Variants in TCERG1L observed in about 807,000 individuals in gnomAD.
TCERG1L encodes transcription elongation regulator 1 like, also known as transcription elongation regulator 1-like protein.
Under a neutral mutation model 56.3 loss-of-function variants are expected in TCERG1L, and 37 were observed. The observed-to-expected ratio is 0.66, with a 90% CI of 0.51 to 0.87. TCERG1L has a LOEUF of 0.87. Among genes scored for constraint, TCERG1L ranks in the 40% least tolerant of loss-of-function variants. The pLI is 0.00. For missense variants in TCERG1L, 799 were observed against 774.2 expected (o/e 1.03, Z -0.38); for synonymous variants, 324 against 326.3 (o/e 0.99, Z 0.08).
rs1008783142 is a variant in TCERG1L, at chr10:131,163,220, G to T, written c.946-10C>A. ...GCATCGGTGGAGGCTCCTTTCAACAGAAAGAGACAGGGGAGTGGCTTTTAA... is the reference window on the plus strand; with the variant it reads ...GCATCGGTGGAGGCTCCTTTCAACATAAAGAGACAGGGGAGTGGCTTTTAA... On this transcript the variant is annotated splice_polypyrimidine_tract_variant and intron_variant, in intron 5 of 11. Coordinates refer to ENST00000368642, the MANE Select transcript of TCERG1L (RefSeq NM_174937.4). The T allele has an allele frequency of 3.3e-6, 5 of 1,519,244 alleles. No individual in the cohort carries two copies. In the African/African-American group the frequency reaches 7.0e-5, roughly 21 times the overall value. 94.1% of individuals were successfully genotyped at this position (1,519,244 alleles called of 1,614,324 possible).
At chr10:131,116,433 C>G (rs1452312497) in intron 9 of TCERG1L, among the ~76,000 whole-genome samples, 1 of 152,130 alleles carries the variant, frequency 6.6e-6, no homozygotes, top group Non-Finnish European at 1.5e-5. Context: ...CCGGTGGACC[C>G]CACCTGCCGG....
At chr10:131,116,192 C>T (rs117933077) in intron 9 of TCERG1L, among the ~76,000 whole-genome samples, 2,972 of 152,300 alleles carry the variant, frequency 0.02, 58 homozygotes, top group Non-Finnish European at 0.029. Flanking sequence ...CAAAATCCCC[C>T]CGACCCCCAA....
chr10:131,277,929 G>C (rs1055820162), intron 3 of TCERG1L, among the ~76,000 whole-genome samples: 2 of 152,152 alleles, frequency 1.3e-5, no homozygotes, highest in African/African-American at 2.4e-5. Context: ...ACCAGAGCAG[G>C]GGGCTCAGGG....
intron 10 of TCERG1L, among the ~76,000 whole-genome samples, chr10:131,099,072 T>C (rs532468288): frequency 6.6e-6 from 1 of 152,298 alleles, no homozygotes; most frequent in East Asian, 1.9e-4. Flanking sequence ...GGGTCATCAG[T>C]GTGGAAACAA....
intron 6 of TCERG1L, 75 bp from the exon 7 acceptor site, chr10:131,146,735 C>CGG: frequency 7.6e-6 from 11 of 1,445,624 alleles, no homozygotes; most frequent in South Asian, 3.2e-5. Context: ...TGAACTCTCA[C>CGG]TGAAAAAGCC....
At chr10:131,166,619 T>C (rs964087605) in intron 5 of TCERG1L, among the ~76,000 whole-genome samples, 178 bp downstream of exon 5, 2 of 152,370 alleles carry the variant, frequency 1.3e-5, no homozygotes, top group African/African-American at 4.8e-5. Flanking sequence ...GCAAGGGCTG[T>C]GTCCCTGCTC....
intron 4 of TCERG1L, among the ~76,000 whole-genome samples, chr10:131,203,491 C>T (rs1206807034): frequency 6.6e-6 from 1 of 152,194 alleles, no homozygotes; most frequent in Non-Finnish European, 1.5e-5. Context: ...GTGCTCACGT[C>T]TCTATTTTAA....
intron 3 of TCERG1L, among the ~76,000 whole-genome samples, chr10:131,291,302 A>ATATAT (rs938267595): frequency 2.0e-5 from 3 of 150,316 alleles, no homozygotes; most frequent in African/African-American, 7.4e-5. Flanking sequence ...TTTTAATCCC[A>ATATAT]TATATTTCAT....
chr10:131,263,599 AT>A (rs1846254166), intron 3 of TCERG1L, among the ~76,000 whole-genome samples: 1 of 152,136 alleles, frequency 6.6e-6, no homozygotes, highest in African/African-American at 2.4e-5. Flanking sequence ...CATTTGCCAT[AT>A]TTTTACCCAC....
intron 4 of TCERG1L, among the ~76,000 whole-genome samples, chr10:131,226,323 C>T (rs990357136): frequency 6.6e-6 from 1 of 152,086 alleles, no homozygotes. Flanking sequence ...GTAATCTGCC[C>T]GCCTCCGCCT....
intron 4 of TCERG1L, among the ~76,000 whole-genome samples, chr10:131,175,769 C>G (rs1846141431): frequency 1.3e-5 from 2 of 152,108 alleles, no homozygotes; most frequent in African/African-American, 4.8e-5. Context: ...GGACTTTACC[C>G]CAACCTTGGA....
intron 5 of TCERG1L, among the ~76,000 whole-genome samples, chr10:131,164,674 C>A (rs1846013004): frequency 6.6e-6 from 1 of 152,134 alleles, no homozygotes; most frequent in Admixed American, 6.5e-5. Context: ...AAGCAACAAT[C>A]TGGTTCTGAG....
intron 4 of TCERG1L, among the ~76,000 whole-genome samples, chr10:131,215,594 G>A (rs545783830): frequency 1.3e-5 from 2 of 152,278 alleles, no homozygotes; most frequent in Admixed American, 6.5e-5. Context: ...CGGGACAAAG[G>A]GATTTCGGGA....
chr10:131,282,184 C>T (rs1846466328), intron 3 of TCERG1L, among the ~76,000 whole-genome samples: 1 of 151,398 alleles, frequency 6.6e-6, no homozygotes, highest in Non-Finnish European at 1.5e-5. Flanking sequence ...TCTGCAAAGC[C>T]ACTTAGGAGG....
chr10:131,276,685 C>T (rs1009714510), intron 3 of TCERG1L, among the ~76,000 whole-genome samples: 1 of 151,828 alleles, frequency 6.6e-6, no homozygotes, highest in African/African-American at 2.4e-5. Context: ...GATTAAATGC[C>T]TCATCAAGAT....
At chr10:131,124,661 G>A (rs1383239857) in intron 8 of TCERG1L, among the ~76,000 whole-genome samples, 1 of 152,040 alleles carries the variant, frequency 6.6e-6, no homozygotes, top group Non-Finnish European at 1.5e-5. Context: ...CATCATCGCT[G>A]CCTGTCCGTG....
At chr10:131,252,389 G>C (rs370520397) in intron 4 of TCERG1L, among the ~76,000 whole-genome samples, 55 of 152,310 alleles carry the variant, frequency 3.6e-4, no homozygotes, top group African/African-American at 1.3e-3. Context: ...GGTCTCTAGA[G>C]TTTAAGTATG....
Position 131,260,235 on chromosome 10 carries a change from G to A in TCERG1L, c.856+24C>T, listed in dbSNP as rs759085274. The A allele has an allele frequency of 1.6e-5, 22 of 1,345,416 alleles. No homozygotes were observed. Among genetic ancestry groups the A allele is most frequent in the East Asian group, 5.7e-5 (2 of 35,338 alleles). The allele number at this position is 1,345,416 out of a possible 1,614,324, so 83.3% of individuals were successfully genotyped here. Reference sequence around the variant, plus strand: ...CGCGCTCGCTAAGGCAGCACCAGGCGTCGGGACGGCGCTCCGAGCCTACCT... The same window carrying A: ...CGCGCTCGCTAAGGCAGCACCAGGCATCGGGACGGCGCTCCGAGCCTACCT... On this transcript the variant is annotated intron_variant, in intron 4 of 11. Coordinates refer to ENST00000368642, the MANE Select transcript of TCERG1L (RefSeq NM_174937.4). This position sits in a 1 kb window ranked among gnomAD's most constrained non-coding sequence, Gnocchi z 5.8.
intron 4 of TCERG1L, among the ~76,000 whole-genome samples, chr10:131,222,180 C>A (rs147684515): frequency 6.6e-6 from 1 of 152,202 alleles, no homozygotes; most frequent in Non-Finnish European, 1.5e-5. Context: ...CGCTTCTCCG[C>A]GGCATGCGAG....
Sources: gnomAD v4.1 joint callset for allele counts (sites outside exome capture counted in the v4.1 genomes callset) on GRCh38, gnomAD v4.1.1 for gene constraint, Gnocchi (gnomAD v3.1) non-coding constraint, MANE v1.5 for transcripts, NCBI Gene and HGNC (gene_info 2026-07-23, HGNC 2026-07-21) for gene names.